Variants in MAGI1 observed in about 807,000 individuals in gnomAD.
The protein encoded by MAGI1 is membrane-associated guanylate kinase, WW and PDZ domain-containing protein 1.
A neutral mutation model predicts 139.9 loss-of-function variants in MAGI1; 58 were observed. The ratio of observed to expected loss-of-function variants is 0.41; its 90% CI spans 0.34 to 0.52. The LOEUF (loss-of-function observed/expected upper bound fraction) is 0.52. Among genes scored for constraint, MAGI1 ranks in the 20% least tolerant of loss-of-function variants. MAGI1 has a pLI of 0.12. For missense variants in MAGI1, 1,874 were observed against 1,901.6 expected (o/e 0.99, Z 0.27); for synonymous variants, 812 against 737.9 (o/e 1.10, Z -1.63).
intron 1 of MAGI1, among the ~76,000 whole-genome samples, chr3:65,924,157 T>G (rs2062377892): frequency 6.6e-6 from 1 of 152,198 alleles, no homozygotes; most frequent in African/African-American, 2.4e-5. Flanking sequence ...AAACCTTGAT[T>G]TAAAAAGTAG....
chr3:65,603,939 A>C (rs1049668376), intron 2 of MAGI1, among the ~76,000 whole-genome samples: 1 of 152,156 alleles, frequency 6.6e-6, no homozygotes, highest in Non-Finnish European at 1.5e-5. Context: ...CCCATCCATG[A>C]AGGTTCCACC....
chr3:65,753,666 A>G (rs1038883050), intron 1 of MAGI1, among the ~76,000 whole-genome samples: 2 of 149,924 alleles, frequency 1.3e-5, no homozygotes, highest in African/African-American at 4.9e-5. Flanking sequence ...GGTTCCAGTG[A>G]GCCAAGATCG....
intron 2 of MAGI1, among the ~76,000 whole-genome samples, chr3:65,530,778 CATATATATACACGTATATATATATAT>C (rs2078657483): frequency 2.9e-5 from 2 of 70,116 alleles, no homozygotes; most frequent in Non-Finnish European, 5.4e-5. Context: ...TATATACACA[CATATATATACACGTATATATATATAT>C]ACACACATAT....
chr3:65,845,760 G>T, intron 1 of MAGI1, among the ~76,000 whole-genome samples: 1 of 152,136 alleles, frequency 6.6e-6, no homozygotes, highest in Admixed American at 6.5e-5. Flanking sequence ...AGCCACACCT[G>T]TCTCGACCTT....
intron 1 of MAGI1, among the ~76,000 whole-genome samples, chr3:65,883,725 T>G (rs78770243): frequency 6.6e-6 from 1 of 152,290 alleles, no homozygotes; most frequent in East Asian, 1.9e-4. Context: ...GTTCTAACCC[T>G]CTCCTCAGTC....
chr3:65,720,142 G>T (rs2032828266), intron 1 of MAGI1: 1 of 152,092 alleles, frequency 6.6e-6, no homozygotes, highest in Non-Finnish European at 1.5e-5. Context: ...CTACAGTAGT[G>T]CCAGGCATAG....
At chr3:65,575,064 T>C (rs2081122284) in intron 2 of MAGI1, among the ~76,000 whole-genome samples, 1 of 152,052 alleles carries the variant, frequency 6.6e-6, no homozygotes, top group South Asian at 2.1e-4. Flanking sequence ...GTAATTTGTA[T>C]TGCTTCATAG....
At chr3:65,495,042 T>C (rs377753566) in intron 2 of MAGI1, among the ~76,000 whole-genome samples, 1 of 152,184 alleles carries the variant, frequency 6.6e-6, no homozygotes, top group East Asian at 1.9e-4. Flanking sequence ...GTTTCGTGCC[T>C]CCCCTGGCAG....
chr3:66,009,113 A>G (rs2067186120), intron 1 of MAGI1: 1 of 152,400 alleles, frequency 6.6e-6, no homozygotes, highest in East Asian at 1.9e-4. Flanking sequence ...ATAAGCAAGA[A>G]GTGCCCCAGT....
chr3:65,505,929 A>G (rs1399603193), intron 2 of MAGI1, among the ~76,000 whole-genome samples: 1 of 152,166 alleles, frequency 6.6e-6, no homozygotes, highest in African/African-American at 2.4e-5. Flanking sequence ...GCATTGTTAC[A>G]TTTCCATAAA....
chr3:65,382,086 C>T lies in MAGI1; in HGVS notation c.2509-17G>A, dbSNP rs757542135. The T allele has an allele frequency of 3.0e-5, 47 of 1,580,974 alleles. No individual in the cohort carries two copies. The highest frequency in any genetic ancestry group is 3.4e-4 in the Middle Eastern group (2 of 5,938). The stretch of plus-strand genomic sequence containing the variant: ...AATATAAATCTGTTGAGTAATTGAA[C>T]GATGGATGAAACATTGCTCTCCTAT... On this transcript the variant is annotated splice_polypyrimidine_tract_variant and intron_variant, in intron 15 of 22. Coordinates refer to ENST00000402939, the MANE Select transcript of MAGI1 (RefSeq NM_001033057.2).
At chr3:65,422,327 G>GGAA (rs1946686384) in intron 12 of MAGI1, among the ~76,000 whole-genome samples, 1 of 152,170 alleles carries the variant, frequency 6.6e-6, no homozygotes, top group Non-Finnish European at 1.5e-5. Flanking sequence ...CCACATCTTG[G>GGAA]CCTATGGACA....
At chr3:65,911,967 T>C (rs2061687901) in intron 1 of MAGI1, among the ~76,000 whole-genome samples, 1 of 152,226 alleles carries the variant, frequency 6.6e-6, no homozygotes. Context: ...CCCAAGGGCA[T>C]TCACAGCTAC....
chr3:65,709,780 T>TA (rs988586136), intron 1 of MAGI1, among the ~76,000 whole-genome samples: 1 of 152,248 alleles, frequency 6.6e-6, no homozygotes, highest in Non-Finnish European at 1.5e-5. Flanking sequence ...AACTTGAAGA[T>TA]ATGTTTTTGT....
intron 15 of MAGI1, 127 bp downstream of exon 15, chr3:65,383,405 C>A (rs1003297300): frequency 1.5e-6 from 1 of 688,492 alleles, no homozygotes; most frequent in Admixed American, 2.5e-5. Context: ...GAAACCCACA[C>A]TACTCAAGAT....
intron 2 of MAGI1, among the ~76,000 whole-genome samples, chr3:65,518,436 A>G (rs1278114994): frequency 6.6e-6 from 1 of 152,210 alleles, no homozygotes; most frequent in East Asian, 1.9e-4. Flanking sequence ...TCGTGGAAAT[A>G]AAGGTACACT....
chr3:65,446,446 C>CAAG (rs1948677634), intron 7 of MAGI1, among the ~76,000 whole-genome samples: 1 of 152,182 alleles, frequency 6.6e-6, no homozygotes, highest in South Asian at 2.1e-4. Context: ...ACAGCACAAG[C>CAAG]AAGTCACCAC....
chr3:65,630,736 TA>T (rs1055213321), intron 1 of MAGI1, among the ~76,000 whole-genome samples: 4 of 152,086 alleles, frequency 2.6e-5, no homozygotes, highest in African/African-American at 7.2e-5. Flanking sequence ...GGGTGAGGGA[TA>T]AAAGACTACA....
intron 1 of MAGI1, among the ~76,000 whole-genome samples, chr3:65,636,327 G>T (rs1023932874): frequency 2.0e-4 from 30 of 152,092 alleles, no homozygotes; most frequent in African/African-American, 7.2e-4. Context: ...ATTTAGGGGA[G>T]AGAGTTCTAG....
Sources: allele counts gnomAD v4.1 joint callset (sites outside exome capture counted in the v4.1 genomes callset), GRCh38; gene constraint gnomAD v4.1.1; transcripts MANE v1.5; gene names NCBI Gene and HGNC (gene_info 2026-07-23, HGNC 2026-07-21).